Variants in DTX1 observed in about 807,000 individuals in gnomAD.
The protein encoded by DTX1 is deltex E3 ubiquitin ligase 1, also known as E3 ubiquitin-protein ligase DTX1.
DTX1 carries 26 observed loss-of-function variants against 57.8 expected under a neutral mutation model. That is an observed-to-expected ratio of 0.45 (90% CI 0.33 to 0.62). The LOEUF is 0.62. DTX1 is among the 20% of genes least tolerant of loss of function. The pLI is 0.02. For synonymous variants in DTX1, 398 were observed against 394.1 expected (o/e 1.01, Z -0.12); for missense variants, 704 against 895.3 (o/e 0.79, Z 2.73).
chr12:113,096,457 A>G (rs867151752), intron 9 of DTX1, among the ~76,000 whole-genome samples: 3,019 of 146,510 alleles, frequency 0.021, 68 homozygotes, highest in African/African-American at 0.072. Flanking sequence ...AAAAAAAAAA[A>G]AAAAAGAAAA....
intron 2 of DTX1, among the ~76,000 whole-genome samples, chr12:113,059,060 T>G (rs1592839682): frequency 1.3e-5 from 2 of 150,566 alleles, no homozygotes; most frequent in African/African-American, 4.9e-5. Context: ...TAATTGGGGA[T>G]GGGGGGCGTT....
In DTX1 at chr12:113,077,332, T is replaced by TA; in HGVS notation, c.260-92_260-91insA. On this transcript the variant is annotated intron_variant, in intron 2 of 9. Coordinates refer to ENST00000548759, the MANE Select transcript of DTX1 (RefSeq NM_004416.3). This position sits in a 1 kb window ranked among gnomAD's most constrained non-coding sequence, Gnocchi z 7.8. ...GGAGGCCTGTGCTGACCCCCCAACC[T>TA]CCCGCCCACCCTTGCCTGGCTGTGG... The TA allele has an allele frequency of 4.9e-6, 5 of 1,013,296 alleles. No homozygotes were observed. Among genetic ancestry groups the TA allele is most frequent in the East Asian group, 3.6e-5 (1 of 27,404 alleles). The allele number at this position is 1,013,296 out of a possible 1,614,324, so 62.8% of individuals were successfully genotyped here. A position where few individuals can be genotyped will look rare whatever the true frequency, so the allele number is the denominator to read the frequency against.
intron 2 of DTX1, among the ~76,000 whole-genome samples, chr12:113,074,562 T>C (rs934302075): frequency 2.0e-5 from 3 of 152,192 alleles, no homozygotes; most frequent in Non-Finnish European, 4.4e-5. Flanking sequence ...TTGTAGGTCA[T>C]GGCAAGGACT....
At chr12:113,057,149 C>G (rs2136419562) in intron 1 of DTX1, among the ~76,000 whole-genome samples, 1 of 152,102 alleles carries the variant, frequency 6.6e-6, no homozygotes, top group East Asian at 2.0e-4. Context: ...CCCCGTGCTT[C>G]CCGGCGCACC....
chr12:113,058,405 C>T lies in DTX1; in HGVS notation c.213C>T (p.Pro71=), dbSNP rs1312756594. 2.5e-6 allele frequency: 4 copies of T among 1,607,434 alleles called. No individual in the cohort carries two copies. The highest frequency in any genetic ancestry group is 1.3e-5 in the African/African-American group (1 of 74,932). ...GGCAGGTGGACGCCCAGCTTGTGCC[C>T]TACATCATCGACCTGCAGTCCATGC... The part of the protein sequence containing the change: ...VLGQVDAQLV[P]YIIDLQSMHQ... Residue 71 remains proline (P), a synonymous_variant, in exon 2 of 10, where the codon CCC becomes CCT. Transcript: ENST00000548759.
chr12:113,057,174 A>T (rs2044630436), intron 1 of DTX1, among the ~76,000 whole-genome samples: 1 of 151,730 alleles, frequency 6.6e-6, no homozygotes. Flanking sequence ...CGCACCCGGC[A>T]TCCCCCCGGC....
intron 2 of DTX1, among the ~76,000 whole-genome samples, chr12:113,061,701 T>C (rs763653742): frequency 6.6e-6 from 1 of 152,094 alleles, no homozygotes; most frequent in Non-Finnish European, 1.5e-5. Context: ...CTTAAATCTT[T>C]TTTTTTTCTT....
At position 113,078,094 on chromosome 12, in the gene DTX1, C is replaced by T. The variant is rs1014342865; in HGVS notation, c.930C>T (p.Ser310=). The T allele has an allele frequency of 5.0e-6, 7 of 1,393,758 alleles. No homozygotes were observed. The highest frequency in any genetic ancestry group is 6.5e-6 in the Non-Finnish European group (7 of 1,074,402). 86.3% of individuals were successfully genotyped at this position (1,393,758 alleles called of 1,614,324 possible). The change falls in exon 3 of 10, where the codon TCC becomes TCT. Residue 310 remains serine (S), a synonymous_variant. Transcript: ENST00000548759. ...CCACCAGCGTGAGCGCGCGCGCCTC[C>T]ATCCCGCCGGGGTAAGACGGGGCCC... is the stretch of plus-strand genomic sequence containing the variant. ...QRTTSVSARA[S]IPPGVPALPV... is the part of the protein sequence containing the mutation.
chr12:113,061,230 A>G (rs2044661474), intron 2 of DTX1, among the ~76,000 whole-genome samples: 1 of 152,100 alleles, frequency 6.6e-6, no homozygotes, highest in African/African-American at 2.4e-5. Context: ...ACTCATTCCT[A>G]AATGGACTCC....
At chr12:113,081,780 A>G (rs2044819393) in intron 3 of DTX1, among the ~76,000 whole-genome samples, 1 of 152,128 alleles carries the variant, frequency 6.6e-6, no homozygotes, top group African/African-American at 2.4e-5. Context: ...CAGGCAGGGC[A>G]TTGCAGGTGC....
rs1185741747 is a variant in DTX1, at chr12:113,077,976, C to T, written c.812C>T (p.Pro271Leu). Residue 271 changes from proline (P) to leucine (L), a missense_variant, in exon 3 of 10, where the codon CCG (proline) becomes CTG (leucine). By Grantham distance (98) the Pro-to-Leu change is moderately conservative. Coordinates refer to ENST00000548759, the MANE Select transcript of DTX1 (RefSeq NM_004416.3). The surrounding 1 kb of genome is among the most constrained non-coding windows in gnomAD (Gnocchi z 7.8). ...GCCGCCGGCCCCGCCGAGCCCGCGC[C>T]GCCTCCCGGGGCGCCCCCACGGAGC... ...APAAGPAEPA[P>L]PPGAPPRSPG... 3 of 1,023,292 alleles carry T rather than the reference C, an allele frequency of 2.9e-6. No individual in the cohort carries two copies. The highest frequency in any genetic ancestry group is 8.5e-5 in the East Asian group (1 of 11,776). The allele number at this position is 1,023,292 out of a possible 1,614,324, so 63.4% of individuals were successfully genotyped here.
At chr12:113,094,638 A>G in intron 6 of DTX1, 151 bp from the exon 7 acceptor site, 2 of 755,468 alleles carry the variant, frequency 2.6e-6, no homozygotes, top group East Asian at 2.8e-5. Flanking sequence ...AAAACAATGT[A>G]TGGGGCAGAG....
At position 113,095,146 on chromosome 12, in the gene DTX1, C is replaced by T. The variant is rs769844860; in HGVS notation, c.1491C>T (p.Pro497=). ...MEFHLIPHSL[P]GFPDTQTIRI... ...TCCACCTCATCCCCCACTCGCTGCCCGGCTTCCCTGATACCCAGACCATCC... is the reference window on the plus strand; with the variant it reads ...TCCACCTCATCCCCCACTCGCTGCCTGGCTTCCCTGATACCCAGACCATCC... Residue 497 remains proline (P), a synonymous_variant, in exon 8 of 10, where the codon CCC becomes CCT. Coordinates refer to ENST00000548759, the MANE Select transcript of DTX1 (RefSeq NM_004416.3). The T allele has an allele frequency of 1.9e-5, 31 of 1,613,372 alleles. No homozygotes were observed. The highest frequency in any genetic ancestry group is 2.2e-5 in the Non-Finnish European group (26 of 1,179,496).
At chr12:113,079,384 A>T (rs2044798908) in intron 3 of DTX1, among the ~76,000 whole-genome samples, 1 of 151,962 alleles carries the variant, frequency 6.6e-6, no homozygotes, top group Non-Finnish European at 1.5e-5. Flanking sequence ...CATCCAGCTC[A>T]CCCCTTTTAT....
chr12:113,063,327 G>A (rs1407232727), intron 2 of DTX1, among the ~76,000 whole-genome samples: 1 of 152,156 alleles, frequency 6.6e-6, no homozygotes, highest in African/African-American at 2.4e-5. Flanking sequence ...TCCCTGGGGG[G>A]TCATTTACAT....
At chr12:113,091,287 G>A (rs534840365) in intron 3 of DTX1, among the ~76,000 whole-genome samples, 1 of 152,268 alleles carries the variant, frequency 6.6e-6, no homozygotes, top group African/African-American at 2.4e-5. Context: ...ATATGTGAGT[G>A]TGTGTGTATC....
chr12:113,089,231 G>T (rs1950228007), intron 3 of DTX1, among the ~76,000 whole-genome samples: 1 of 152,120 alleles, frequency 6.6e-6, no homozygotes, highest in African/African-American at 2.4e-5. Context: ...GTGGGAGAGG[G>T]GTGAACACAT....
intron 3 of DTX1, among the ~76,000 whole-genome samples, chr12:113,078,824 A>T (rs1269811359): frequency 6.6e-6 from 1 of 152,058 alleles, no homozygotes; most frequent in Middle Eastern, 3.2e-3. Flanking sequence ...TGCACCTGAA[A>T]TACCACAATT....
intron 2 of DTX1, among the ~76,000 whole-genome samples, chr12:113,067,753 C>T (rs1304118784): frequency 6.6e-6 from 1 of 152,116 alleles, no homozygotes; most frequent in Non-Finnish European, 1.5e-5. Flanking sequence ...AATGTGAGGC[C>T]ATTTGAGGTG....
Sources: allele counts gnomAD v4.1 joint callset (sites outside exome capture counted in the v4.1 genomes callset), GRCh38; gene constraint gnomAD v4.1.1; non-coding constraint Gnocchi (gnomAD v3.1); transcripts MANE v1.5; gene names NCBI Gene and HGNC (gene_info 2026-07-23, HGNC 2026-07-21).